PLXNA2: variants seen among roughly 807,000 people sequenced by gnomAD.
PLXNA2 encodes plexin A2.
In PLXNA2, 91 loss-of-function variants were observed where a neutral mutation model predicts 193.5. That is an observed-to-expected ratio of 0.47 (90% confidence interval 0.40 to 0.56). PLXNA2 has a LOEUF of 0.56. PLXNA2 is among the 20% of genes least tolerant of loss of function. The probability of loss-of-function intolerance (pLI) is 0.00; values close to 1 mark genes in which losing one functional copy is unlikely to be tolerated. For synonymous variants in PLXNA2, 997 were observed against 1,027.3 expected (o/e 0.97, Z 0.56); for missense variants, 1,995 against 2,503.2 (o/e 0.80, Z 4.33).
chr1:208,212,141 C>A (rs999340456), intron 2 of PLXNA2, among the ~76,000 whole-genome samples: 2 of 152,174 alleles, frequency 1.3e-5, no homozygotes, highest in Non-Finnish European at 2.9e-5. Flanking sequence ...TAGAAAGCAG[C>A]AGAACAGCCT....
rs1399411924 is a variant in PLXNA2, at chr1:208,039,729, G to T, written c.4392C>A (p.Ala1464=). The stretch of plus-strand genomic sequence containing the variant: ...GGCCCTTCTCCATCTGCTGCTTGAT[G>T]GCACAGTATAGCATGAAGAGTGGCT... The part of the protein sequence containing the change: ...AGEPLFMLYC[A]IKQQMEKGPI... Residue 1464 remains alanine, a synonymous_variant, in exon 24 of 32, where the codon GCC becomes GCA. Transcript: ENST00000367033. 6.2e-7 allele frequency: 1 copy of T among 1,614,152 alleles called. No homozygotes were observed.
intron 3 of PLXNA2, among the ~76,000 whole-genome samples, chr1:208,208,066 G>A (rs1448340167): frequency 2.0e-5 from 3 of 152,268 alleles, no homozygotes; most frequent in East Asian, 1.9e-4. Context: ...TTGGATAGAT[G>A]CCAAGCAGCC....
intron 4 of PLXNA2, among the ~76,000 whole-genome samples, chr1:208,125,851 C>T (rs1388012382): frequency 6.6e-6 from 1 of 152,160 alleles, no homozygotes; most frequent in Non-Finnish European, 1.5e-5. Context: ...GAAGACACCA[C>T]ATGGATAGAT....
At chr1:208,107,420 G>A (rs1366279646) in intron 4 of PLXNA2, among the ~76,000 whole-genome samples, 1 of 152,178 alleles carries the variant, frequency 6.6e-6, no homozygotes, top group Non-Finnish European at 1.5e-5. Context: ...GAAGGCAACA[G>A]TGCTCTGGGG....
intron 13 of PLXNA2, among the ~76,000 whole-genome samples, chr1:208,057,876 G>A (rs1026641540): frequency 2.0e-5 from 3 of 152,144 alleles, no homozygotes; most frequent in Non-Finnish European, 4.4e-5. Flanking sequence ...ACCATTTACT[G>A]GTTTGGACAT....
chr1:208,116,332 T>C (rs1321491391), intron 4 of PLXNA2, among the ~76,000 whole-genome samples: 1 of 152,256 alleles, frequency 6.6e-6, no homozygotes, highest in South Asian at 2.1e-4. Context: ...TTTTTATTTC[T>C]TCTTATGAGA....
intron 1 of PLXNA2, among the ~76,000 whole-genome samples, chr1:208,231,324 C>T (rs1671686229): frequency 6.6e-6 from 1 of 151,936 alleles, no homozygotes. Flanking sequence ...AAAGGGTAAA[C>T]AGCCAGGAGG....
intron 4 of PLXNA2, among the ~76,000 whole-genome samples, chr1:208,122,151 C>T (rs988449477): frequency 6.6e-6 from 1 of 152,166 alleles, no homozygotes; most frequent in South Asian, 2.1e-4. Flanking sequence ...TAATGAAAAC[C>T]ATAATGAATG....
At chr1:208,204,777 T>C (rs1670665329) in intron 3 of PLXNA2, among the ~76,000 whole-genome samples, 1 of 152,008 alleles carries the variant, frequency 6.6e-6, no homozygotes, top group African/African-American at 2.4e-5. Context: ...TCAAGGGAGG[T>C]AGACACCTTA....
rs117643344 is a variant in PLXNA2, at chr1:208,177,327, C to T, written c.1371+32953G>A. 3.8e-4 allele frequency among the ~76,000 whole-genome samples: 58 copies of T among 152,188 alleles called. No individual in the cohort carries two copies. In the East Asian group the frequency reaches 9.9e-3, roughly 26 times the overall value. On this transcript the variant is annotated intron_variant, in intron 3 of 31. Coordinates refer to ENST00000367033, the MANE Select transcript of PLXNA2 (RefSeq NM_025179.4). ...AGAGGACTGATTAGCAAAACAAATT[C>T]TGGAACTAGACTGCCTGGTTTGAAT...
intron 4 of PLXNA2, among the ~76,000 whole-genome samples, chr1:208,137,348 TC>T (rs1668334245): frequency 6.6e-6 from 1 of 152,226 alleles, no homozygotes; most frequent in Non-Finnish European, 1.5e-5. Context: ...TATACTCTTT[TC>T]CCATCCACCC....
rs775522055 is a variant in PLXNA2, at chr1:208,042,270, G to C, written c.4114C>G (p.Leu1372Val). 6.2e-7 allele frequency: 1 copy of C among 1,614,226 alleles called. No individual in the cohort carries two copies. The highest frequency in any genetic ancestry group is 1.6e-4 in the Middle Eastern group (1 of 6,062). ...KVFLLTFIRT[L>V]ELQRSFSMRD... is the part of the protein sequence containing the mutation. ...ATGGAGAAACTGCGCTGCAGCTCCA[G>C]GGTGCGGATGAAGGTCAGCAGGAAC... The change falls in exon 22 of 32, where the codon CTG becomes GTG. Residue 1372 changes from leucine to valine, a missense_variant. Around this residue, in one of 3 missense-constraint regions of PLXNA2, gnomAD observed 1,291 missense variants for 1,673.6 expected, o/e 0.77. Transcript: ENST00000367033.
Position 208,031,634 on chromosome 1 carries a change from G to T in PLXNA2, c.5181C>A (p.His1727Gln). ...GCCGCACATCTGTGTCATGGATGCT[G>T]TGCCTGTCTGCCTGCTCATCTAGGA... ...FDFLDEQADR[H>Q]SIHDTDVRHT... The change falls in exon 29 of 32, where the codon CAC (histidine) becomes CAA (glutamine). Residue 1727 changes from histidine (H) to glutamine (Q), a missense_variant. This residue lies in a region of PLXNA2 where 1,291 missense variants were observed against 1,673.6 expected (regional missense o/e 0.77). Transcript: ENST00000367033. 1 of 1,614,026 alleles carries T rather than the reference G, an allele frequency of 6.2e-7. No homozygotes were observed. The highest frequency in any genetic ancestry group is 8.5e-7 in the Non-Finnish European group (1 of 1,180,002).
chr1:208,132,045 G>C (rs949981611), intron 4 of PLXNA2, among the ~76,000 whole-genome samples: 7 of 152,174 alleles, frequency 4.6e-5, no homozygotes, highest in African/African-American at 1.7e-4. Flanking sequence ...TGCTCGTGAG[G>C]CGCTTGGCTG....
Position 208,033,278 on chromosome 1 carries a change from C to T in PLXNA2, c.5055+41G>A, listed in dbSNP as rs1664562526. 3.2e-6 allele frequency: 5 copies of T among 1,562,338 alleles called. No homozygotes were observed. The South Asian group carries it at 4.7e-5, about 15-fold the overall frequency. On this transcript the variant is annotated intron_variant, in intron 28 of 31. Transcript: ENST00000367033. The stretch of plus-strand genomic sequence containing the variant: ...TGTTGTGGAGGGGCAGGATGTGCTC[C>T]TTTAACAAGCACTCCCTGGTCTGGG...
chr1:208,081,243 T>C (rs946828789), intron 11 of PLXNA2, among the ~76,000 whole-genome samples: 1 of 152,212 alleles, frequency 6.6e-6, no homozygotes, highest in East Asian at 1.9e-4. Flanking sequence ...ATAATCCTCC[T>C]GGCTCCGTTC....
intron 4 of PLXNA2, among the ~76,000 whole-genome samples, chr1:208,118,082 C>T (rs778016130): frequency 3.9e-5 from 6 of 152,204 alleles, no homozygotes; most frequent in Admixed American, 1.3e-4. Flanking sequence ...TCTCCCAGCA[C>T]GTGGGTTGGG....
At chr1:208,149,113 T>C (rs1486632476) in intron 3 of PLXNA2, among the ~76,000 whole-genome samples, 1 of 152,194 alleles carries the variant, frequency 6.6e-6, no homozygotes, top group Non-Finnish European at 1.5e-5. Context: ...AAGGACCCTA[T>C]GCTTTTGTGG....
intron 10 of PLXNA2, 59 bp downstream of exon 10, chr1:208,084,321 C>G: frequency 6.4e-7 from 1 of 1,566,740 alleles, no homozygotes; most frequent in Non-Finnish European, 8.8e-7. Context: ...TACTGAGGCC[C>G]CAGCACGAGT....
Sources: allele counts gnomAD v4.1 joint callset (sites outside exome capture counted in the v4.1 genomes callset), GRCh38; gene constraint gnomAD v4.1.1; regional missense constraint gnomAD v4.1.1; transcripts MANE v1.5; gene names NCBI Gene and HGNC (gene_info 2026-07-23, HGNC 2026-07-21).